Variants in TIE1 observed in about 807,000 individuals in gnomAD.
TIE1 encodes tyrosine-protein kinase receptor Tie-1.
A neutral mutation model predicts 130.5 loss-of-function variants in TIE1; 89 were observed. The ratio of observed to expected loss-of-function variants is 0.68; its 90% CI spans 0.57 to 0.81. The LOEUF (loss-of-function observed/expected upper bound fraction) is 0.81. Among genes scored for constraint, TIE1 ranks in the 40% least tolerant of loss-of-function variants. The pLI is 0.00. For synonymous variants in TIE1, 568 were observed against 629.4 expected (o/e 0.90, Z 1.46); for missense variants, 1,392 against 1,559.8 (o/e 0.89, Z 1.81).
rs927652943 is a variant in TIE1 at position 43,319,618 on chromosome 1, G to A, written c.3107+89G>A. 5 of 1,362,356 alleles carry A rather than the reference G, an allele frequency of 3.7e-6. No homozygotes were observed. Among genetic ancestry groups the A allele is most frequent in the African/African-American group, 2.9e-5 (2 of 69,728 alleles). 84.4% of individuals were successfully genotyped at this position (1,362,356 alleles called of 1,614,324 possible). A position where few individuals can be genotyped will look rare whatever the true frequency, so the allele number is the denominator to read the frequency against. ...GACATATCTCAGAAATGTCATAGGT[G>A]GTCTAAGGCATGACCTGGGCTGTGT... On this transcript the variant is annotated intron_variant, in intron 19 of 22. Coordinates refer to ENST00000372476, the MANE Select transcript of TIE1 (RefSeq NM_005424.5). The surrounding 1 kb of genome is among the most constrained non-coding windows in gnomAD (Gnocchi z 4.7).
chr1:43,317,670 C>T lies in TIE1; in HGVS notation c.2727C>T (p.Asn909=). 6.4e-7 allele frequency: 1 copy of T among 1,574,548 alleles called. No individual in the cohort carries two copies. The highest frequency in any genetic ancestry group is 8.6e-7 in the Non-Finnish European group (1 of 1,158,858). ...TCAACCTCCTGGGGGCCTGTAAGAA[C>T]CGAGGTGAGCCCCCAGCTCATCACC... The part of the protein sequence containing the change: ...NIINLLGACK[N]RGYLYIAIEY... Residue 909 remains asparagine (N), a synonymous_variant, in exon 16 of 23, where the codon AAC becomes AAT. Coordinates refer to ENST00000372476, the MANE Select transcript of TIE1 (RefSeq NM_005424.5). This position sits in a 1 kb window ranked among gnomAD's most constrained non-coding sequence, Gnocchi z 5.1.
At chr1:43,308,018 T>C in intron 7 of TIE1, 94 bp downstream of exon 7, 1 of 1,536,332 alleles carries the variant, frequency 6.5e-7, no homozygotes, top group Non-Finnish European at 8.8e-7. Flanking sequence ...CTCCTTTCCC[T>C]ACGAGGGTCC....
chr1:43,321,681 C>A lies in TIE1; in HGVS notation c.3311C>A (p.Ala1104Glu). 1 of 1,553,310 alleles carries A rather than the reference C, an allele frequency of 6.4e-7. No homozygotes were observed. Among genetic ancestry groups the A allele is most frequent in the African/African-American group, 1.4e-5 (1 of 73,290 alleles). The stretch of plus-strand genomic sequence containing the variant: ...GAGCGACCCCCCTTTGCCCAGATTG[C>A]GCTACAGCTAGGCCGCATGCTGGAA... ...PYERPPFAQI[A>E]LQLGRMLEAR... Residue 1104 changes from alanine (A) to glutamate (E), a missense_variant, in exon 22 of 23, where the codon GCG (alanine) becomes GAG (glutamate). By Grantham distance (107) the Ala-to-Glu change is moderately radical. Transcript: ENST00000372476.
intron 1 of TIE1, among the ~76,000 whole-genome samples, chr1:43,304,641 A>C (rs896165354): frequency 6.6e-6 from 1 of 151,646 alleles, no homozygotes; most frequent in Non-Finnish European, 1.5e-5. Flanking sequence ...GCCAGTGCGC[A>C]TGGAAGGGGA....
In TIE1 at chr1:43,307,916, A is replaced by G. The variant is rs772904003; in HGVS notation, c.1034A>G (p.Glu345Gly). 1 of 1,614,134 alleles carries G rather than the reference A, an allele frequency of 6.2e-7. No homozygotes were observed. Among genetic ancestry groups the G allele is most frequent in the Non-Finnish European group, 8.5e-7 (1 of 1,180,018 alleles). The change falls in exon 7 of 23, where the codon GAG (glutamate) becomes GGG (glycine). Residue 345 changes from glutamate to glycine, a missense_variant. By Grantham distance (98) the Glu-to-Gly change is moderately conservative (BLOSUM62 -2). This residue lies in a region of TIE1 where 551 missense variants were observed against 565.5 expected (regional missense o/e 0.97). Transcript: ENST00000372476. This position sits in a 1 kb window ranked among gnomAD's most constrained non-coding sequence, Gnocchi z 5.4. ...TCTGGGTGGCATGGAGTGCACTGTG[A>G]GAAGTCAGGTATAAGCACTATGACC... ...CPSGWHGVHCEKSDRIPQILN... is the reference protein window; with the variant it reads ...CPSGWHGVHCGKSDRIPQILN...
At chr1:43,314,062 T>C in intron 14 of TIE1, 94 bp downstream of exon 14, 1 of 1,233,060 alleles carries the variant, frequency 8.1e-7, no homozygotes, top group Non-Finnish European at 1.2e-6. Context: ...CTTGTGTGTG[T>C]GTGTGTGTGT....
At position 43,300,994 on chromosome 1, in the gene TIE1, A is replaced by T; in HGVS notation, c.-78A>T. The stretch of plus-strand genomic sequence containing the variant: ...CCAGCACCGACCCACACTGACCAAC[A>T]CAGGCTGAGCAGTCAGGCCCACAGC... On this transcript the variant is annotated 5_prime_UTR_variant, in exon 1 of 23. Coordinates refer to ENST00000372476, the MANE Select transcript of TIE1 (RefSeq NM_005424.5). 6.6e-7 allele frequency: 1 copy of T among 1,517,476 alleles called. No homozygotes were observed. The highest frequency in any genetic ancestry group is 9.1e-7 in the Non-Finnish European group (1 of 1,103,836). 94.0% of individuals were successfully genotyped at this position (1,517,476 alleles called of 1,614,324 possible).
At chr1:43,314,370 T>G in intron 14 of TIE1, 1 of 1,139,570 alleles carries the variant, frequency 8.8e-7, no homozygotes, top group Non-Finnish European at 1.1e-6. Context: ...CATGCTGGCT[T>G]TTGTCCTTGC....
At chr1:43,305,661 A>G (rs1456523459) in intron 3 of TIE1, among the ~76,000 whole-genome samples, 1 of 152,234 alleles carries the variant, frequency 6.6e-6, no homozygotes, top group Non-Finnish European at 1.5e-5. Context: ...CCCACCTGGC[A>G]GACCGCATCA....
intron 19 of TIE1, chr1:43,320,973 G>A (rs1191772730): frequency 1.4e-5 from 6 of 442,460 alleles, no homozygotes; most frequent in African/African-American, 1.2e-4. Flanking sequence ...GATCCTGGGA[G>A]GTTGAGGCTG....
In TIE1 at chr1:43,309,268, T is replaced by C; in HGVS notation, c.1189-120T>C. On this transcript the variant is annotated intron_variant, in intron 8 of 22. Transcript: ENST00000372476. This position sits in a 1 kb window ranked among gnomAD's most constrained non-coding sequence, Gnocchi z 6.3. Reference sequence around the variant, plus strand: ...GACCATTGCTCACATGAGGTCAGGCTGATTGGTGAGGGGGCTGCCACTGGG... The same window carrying C: ...GACCATTGCTCACATGAGGTCAGGCCGATTGGTGAGGGGGCTGCCACTGGG... 4.0e-6 allele frequency: 6 copies of C among 1,510,320 alleles called. No homozygotes were observed. The South Asian group carries it at 5.4e-5, about 14-fold the overall frequency. 93.6% of individuals were successfully genotyped at this position (1,510,320 alleles called of 1,614,324 possible). A position where few individuals can be genotyped will look rare whatever the true frequency, so the allele number is the denominator to read the frequency against.
rs975673020 is a variant in TIE1 at position 43,321,152 on chromosome 1, T to C, written c.3108-117T>C. The C allele has an allele frequency of 3.7e-6, 4 of 1,092,976 alleles. No homozygotes were observed. In the African/African-American group the frequency reaches 4.6e-5, roughly 13 times the overall value. The allele number at this position is 1,092,976 out of a possible 1,614,324, so 67.7% of individuals were successfully genotyped here. ...ACAACAGCTGGCCAAGGCCAGATAC[T>C]TACAGAGTAGACACATACAGCGGGG... On this transcript the variant is annotated intron_variant, in intron 19 of 22. Transcript: ENST00000372476.
chr1:43,322,596 T>C lies in TIE1; in HGVS notation c.3346-55T>C. The C allele has an allele frequency of 6.9e-7, 1 of 1,458,264 alleles. No homozygotes were observed. Among genetic ancestry groups the C allele is most frequent in the Non-Finnish European group, 9.6e-7 (1 of 1,040,098 alleles). 90.3% of individuals were successfully genotyped at this position (1,458,264 alleles called of 1,614,324 possible). A position where few individuals can be genotyped will look rare whatever the true frequency, so the allele number is the denominator to read the frequency against. On this transcript the variant is annotated intron_variant, in intron 22 of 22. Coordinates refer to ENST00000372476, the MANE Select transcript of TIE1 (RefSeq NM_005424.5). This position sits in a 1 kb window ranked among gnomAD's most constrained non-coding sequence, Gnocchi z 4.0. ...CCCACCACATGGAAGTCCAGGAGCT[T>C]GAGGCCAGATGCACCCCCATTCCTG...
Position 43,321,474 on chromosome 1 carries a change from G to A in TIE1, c.3227G>A (p.Arg1076Gln), listed in dbSNP as rs371464988. 87 of 1,613,278 alleles carry A rather than the reference G, an allele frequency of 5.4e-5. No individual in the cohort carries two copies. Among genetic ancestry groups the A allele is most frequent in the East Asian group, 1.3e-4 (6 of 44,874 alleles). The change falls in exon 21 of 23, where the codon CGA becomes CAA. Residue 1076 changes from arginine to glutamine, a missense_variant. By Grantham distance (43) the Arg-to-Gln change is conservative. Around this residue, in one of 6 missense-constraint regions of TIE1, gnomAD observed 104 missense variants for 129.3 expected, o/e 0.80. Transcript: ENST00000372476. ...CAGGGCTACCGCATGGAGCAGCCTCGAAACTGTGACGATGAAGTGTGAGTC... is the reference window on the plus strand; with the variant it reads ...CAGGGCTACCGCATGGAGCAGCCTCAAAACTGTGACGATGAAGTGTGAGTC... Reference protein sequence around the residue: ...LPQGYRMEQPRNCDDEVYELM... With the variant: ...LPQGYRMEQPQNCDDEVYELM...
At position 43,306,779 on chromosome 1, in the gene TIE1, A is replaced by G; in HGVS notation, c.485-61A>G. The G allele has an allele frequency of 1.9e-6, 3 of 1,541,200 alleles. No individual in the cohort carries two copies. In the East Asian group the frequency reaches 6.8e-5, roughly 35 times the overall value. On this transcript the variant is annotated intron_variant, in intron 3 of 22. Transcript: ENST00000372476. The surrounding 1 kb of genome is among the most constrained non-coding windows in gnomAD (Gnocchi z 4.9). ...TGATGTGAGCTGAGCAGAGGTGGAC[A>G]GAGAGAGGTGACACAGCCCTCATGT...
intron 9 of TIE1, among the ~76,000 whole-genome samples, chr1:43,310,423 T>C (rs1003869145): frequency 6.6e-5 from 10 of 152,230 alleles, no homozygotes; most frequent in African/African-American, 2.4e-4. Flanking sequence ...TAGCACTTGA[T>C]GGGGTTGTTA....
chr1:43,322,015 C>T lies in TIE1; in HGVS notation c.3345+300C>T, dbSNP rs1646925538. Among the ~76,000 whole-genome samples, 1 of 152,172 alleles carries T rather than the reference C, an allele frequency of 6.6e-6. No individual in the cohort carries two copies. The highest frequency in any genetic ancestry group is 2.1e-4 in the South Asian group (1 of 4,830). On this transcript the variant is annotated intron_variant, in intron 22 of 22. Transcript: ENST00000372476. The surrounding 1 kb of genome is among the most constrained non-coding windows in gnomAD (Gnocchi z 4.0). ...TCCTCTGCTGAGGCCATCAGCCTGT[C>T]CTCATCTGGGACACCTCTCCCCACC...
chr1:43,304,706 G>C (rs1273313608), intron 1 of TIE1, 145 bp from the exon 2 acceptor site: 2 of 837,400 alleles, frequency 2.4e-6, no homozygotes, highest in Non-Finnish European at 1.6e-6. Flanking sequence ...CTGAAGAACC[G>C]GGCAGGGGAA....
Position 43,322,709 on chromosome 1 carries a change from C to T in TIE1, c.3404C>T (p.Ala1135Val), listed in dbSNP as rs1277780550. Reference protein sequence around the residue: ...NFTYAGIDATAEEA With the variant: ...NFTYAGIDATVEEA ...ACTTACGCGGGCATTGATGCCACAG[C>T]TGAGGAGGCCTGAGCTGCCATCCAG... Residue 1135 changes from alanine (A) to valine (V), a missense_variant, in exon 23 of 23, where the codon GCT becomes GTT. By Grantham distance (64) the Ala-to-Val change is moderately conservative. Transcript: ENST00000372476. The surrounding 1 kb of genome is among the most constrained non-coding windows in gnomAD (Gnocchi z 4.0). 1 of 1,613,872 alleles carries T rather than the reference C, an allele frequency of 6.2e-7. No homozygotes were observed. The highest frequency in any genetic ancestry group is 8.5e-7 in the Non-Finnish European group (1 of 1,180,034).
Sources: allele counts gnomAD v4.1 joint callset (sites outside exome capture counted in the v4.1 genomes callset), GRCh38; gene constraint gnomAD v4.1.1; regional missense constraint gnomAD v4.1.1; non-coding constraint Gnocchi (gnomAD v3.1); transcripts MANE v1.5; gene names NCBI Gene and HGNC (gene_info 2026-07-23, HGNC 2026-07-21).